MYO5A: variants seen among roughly 807,000 people sequenced by gnomAD.
MYO5A encodes unconventional myosin-Va.
MYO5A carries 98 observed loss-of-function variants against 249.7 expected under a neutral mutation model. The observed-to-expected ratio is 0.39, with a 90% CI of 0.33 to 0.46. The LOEUF is 0.46. MYO5A is among the 20% of genes least tolerant of loss of function. The pLI is 0.98. For synonymous variants in MYO5A, 778 were observed against 810.6 expected (o/e 0.96, Z 0.68); for missense variants, 1,696 against 2,308.8 (o/e 0.73, Z 5.44).
intron 30 of MYO5A, among the ~76,000 whole-genome samples, chr15:52,343,507 A>G (rs1285228999): frequency 1.3e-5 from 2 of 152,242 alleles, no homozygotes; most frequent in Non-Finnish European, 2.9e-5. Flanking sequence ...TTATTCAGCT[A>G]GCAAAGTGAT....
intron 1 of MYO5A, among the ~76,000 whole-genome samples, chr15:52,493,247 G>A (rs942777962): frequency 6.6e-6 from 1 of 152,194 alleles, no homozygotes; most frequent in African/African-American, 2.4e-5. Flanking sequence ...AATCTATGGA[G>A]CATTGCAAAT....
chr15:52,394,912 C>A (rs2141177744), intron 11 of MYO5A, among the ~76,000 whole-genome samples: 1 of 152,336 alleles, frequency 6.6e-6, no homozygotes, highest in African/African-American at 2.4e-5. Context: ...TATTAGTAGT[C>A]ATCTTATTAT....
chr15:52,388,028 G>A (rs1386646528), intron 13 of MYO5A, 116 bp from the exon 14 acceptor site: 6 of 765,074 alleles, frequency 7.8e-6, no homozygotes, highest in Non-Finnish European at 1.3e-5. Flanking sequence ...TCAGCAAACT[G>A]GTATTATCAG....
Position 52,351,381 on chromosome 15 carries a change from C to T in MYO5A, c.3722G>A (p.Gly1241Asp). The change falls in exon 28 of 42, where the codon GGT becomes GAT. Residue 1241 changes from glycine (G) to aspartate (D), a missense_variant. By Grantham distance (94) the Gly-to-Asp change is moderately conservative. Transcript: ENST00000399233. ...EKSAPEVTAP[G>D]APAYRVLMEQ... ...CATGAGGACACGGTAGGCAGGTGCACCTGGGGCGGTCACCTCTGGGGCACT... is the reference window on the plus strand; with the variant it reads ...CATGAGGACACGGTAGGCAGGTGCATCTGGGGCGGTCACCTCTGGGGCACT... 3 of 1,614,146 alleles carry T rather than the reference C, an allele frequency of 1.9e-6. No homozygotes were observed. The highest frequency in any genetic ancestry group is 2.5e-6 in the Non-Finnish European group (3 of 1,180,012).
chr15:52,505,272 T>C, intron 1 of MYO5A: 1 of 776,294 alleles, frequency 1.3e-6, no homozygotes, highest in Non-Finnish European at 2.4e-6. Flanking sequence ...TCAAGGGGTA[T>C]GTGCCATCAC....
At chr15:52,513,726 C>T (rs1040441109) in intron 1 of MYO5A, among the ~76,000 whole-genome samples, 38 of 152,054 alleles carry the variant, frequency 2.5e-4, no homozygotes, top group Non-Finnish European at 1.3e-4. Context: ...CCACTGCGCC[C>T]GGCCAAGAAT....
intron 38 of MYO5A, 117 bp from the exon 39 acceptor site, chr15:52,319,459 G>T: frequency 8.6e-7 from 1 of 1,160,050 alleles, no homozygotes; most frequent in East Asian, 2.3e-5. Context: ...TGGGCACGGT[G>T]GCTCACATCT....
At chr15:52,379,478 C>A in intron 18 of MYO5A, 147 bp downstream of exon 18, 2 of 732,060 alleles carry the variant, frequency 2.7e-6, no homozygotes, top group South Asian at 3.0e-5. Flanking sequence ...CTAGTTCCAG[C>A]ATCCTAAACA....
At chr15:52,328,391 A>G (rs1340550254) in intron 35 of MYO5A, among the ~76,000 whole-genome samples, 1 of 152,206 alleles carries the variant, frequency 6.6e-6, no homozygotes, top group Non-Finnish European at 1.5e-5. Flanking sequence ...GTCTTCCAGT[A>G]TCCTAGATTA....
intron 27 of MYO5A, among the ~76,000 whole-genome samples, chr15:52,352,972 A>C (rs1437553873): frequency 6.6e-6 from 1 of 152,174 alleles, no homozygotes; most frequent in Non-Finnish European, 1.5e-5. Context: ...AAGACACATA[A>C]ATGTCATTAC....
intron 1 of MYO5A, among the ~76,000 whole-genome samples, chr15:52,444,656 T>A (rs2075851834): frequency 6.6e-6 from 1 of 152,144 alleles, no homozygotes; most frequent in Non-Finnish European, 1.5e-5. Context: ...CCAAAGTTGC[T>A]CAACTAAGCA....
At chr15:52,444,339 G>A (rs548940521) in intron 1 of MYO5A, among the ~76,000 whole-genome samples, 8 of 152,162 alleles carry the variant, frequency 5.3e-5, no homozygotes, top group African/African-American at 1.7e-4. Context: ...ATAATCAAAG[G>A]TAAAACAGAA....
At chr15:52,487,581 G>A (rs1021969080) in intron 1 of MYO5A, among the ~76,000 whole-genome samples, 2 of 151,750 alleles carry the variant, frequency 1.3e-5, no homozygotes, top group Non-Finnish European at 2.9e-5. Context: ...AAAATTAGCC[G>A]AGCATGGTGA....
intron 1 of MYO5A, among the ~76,000 whole-genome samples, chr15:52,452,785 T>C (rs773080751): frequency 3.8e-4 from 58 of 150,998 alleles, no homozygotes; most frequent in African/African-American, 1.3e-3. Context: ...GAGGCATAAG[T>C]TGCAGTGAGC....
At chr15:52,334,911 C>G (rs946795298) in intron 34 of MYO5A, among the ~76,000 whole-genome samples, 4 of 152,202 alleles carry the variant, frequency 2.6e-5, no homozygotes, top group African/African-American at 9.6e-5. Context: ...AAAGGCTACT[C>G]TTGAGGATGT....
chr15:52,459,773 C>T (rs1050133716), intron 1 of MYO5A, among the ~76,000 whole-genome samples: 3 of 151,396 alleles, frequency 2.0e-5, no homozygotes, highest in African/African-American at 7.3e-5. Flanking sequence ...ACCTCCCAGA[C>T]GGGGCGGCGG....
intron 36 of MYO5A, among the ~76,000 whole-genome samples, chr15:52,324,711 C>T (rs2038510168): frequency 6.6e-6 from 1 of 152,034 alleles, no homozygotes; most frequent in Non-Finnish European, 1.5e-5. Flanking sequence ...CAGGATATAT[C>T]ATGGGGAAAG....
At chr15:52,457,420 CAAAAA>C (rs35282872) in intron 1 of MYO5A, among the ~76,000 whole-genome samples, 1 of 87,204 alleles carries the variant, frequency 1.1e-5, no homozygotes, top group African/African-American at 5.0e-5. Flanking sequence ...GACCCTGTCT[CAAAAA>C]AAAAAAAAAA....
At chr15:52,381,186 T>TGGAAGAG (rs1596377260) in intron 16 of MYO5A, among the ~76,000 whole-genome samples, 2 of 6,152 alleles carry the variant, frequency 3.3e-4, no homozygotes, top group East Asian at 0.25. Flanking sequence ...TTCTCAGGTG[T>TGGAAGAG]CTGTTGGTGG....
Sources: gnomAD v4.1 joint callset for allele counts (sites outside exome capture counted in the v4.1 genomes callset) on GRCh38, gnomAD v4.1.1 for gene constraint, MANE v1.5 for transcripts, NCBI Gene and HGNC (gene_info 2026-07-23, HGNC 2026-07-21) for gene names.